PDE4D: variants seen among roughly 807,000 people sequenced by gnomAD.
The protein encoded by PDE4D is 3',5'-cyclic-AMP phosphodiesterase 4D.
PDE4D carries 24 observed loss-of-function variants against 87.4 expected under a neutral mutation model. That is an observed-to-expected ratio of 0.27 (90% CI 0.20 to 0.39). The LOEUF (loss-of-function observed/expected upper bound fraction) is 0.39, where lower values mean the gene tolerates loss of function less well. Ranked by LOEUF, PDE4D falls within the 10% of genes least tolerant of loss-of-function variation. The pLI is 1.00. For missense variants in PDE4D, 714 were observed against 1,041.0 expected (o/e 0.69, Z 4.32); for synonymous variants, 384 against 383.2 (o/e 1.00, Z -0.02).
At chr5:59,496,278 C>T (rs945004166) in intron 1 of PDE4D, among the ~76,000 whole-genome samples, 1 of 152,096 alleles carries the variant, frequency 6.6e-6, no homozygotes, top group African/African-American at 2.4e-5. Context: ...TCTCCACTTT[C>T]AGCTGCTTGT....
rs1238621496 is a variant in PDE4D, at chr5:60,315,724, T to C, written c.-89-130037A>G. ...ACATATGGCTAGCCAGTTTTCCCAGTGCCATTTATTAAATAGGGAATCCTT... is the reference window on the plus strand; with the variant it reads ...ACATATGGCTAGCCAGTTTTCCCAGCGCCATTTATTAAATAGGGAATCCTT... On this transcript the variant is annotated intron_variant, in intron 1 of 16. Transcript: ENST00000502484. 3.3e-5 allele frequency among the ~76,000 whole-genome samples: 5 copies of C among 152,108 alleles called. No homozygotes were observed. In the East Asian group the frequency reaches 7.7e-4, roughly 23 times the overall value.
rs184648028 is a variant in PDE4D, at chr5:58,971,946, C to T, written c.*2718G>A. ...TCTCTTGGATATTGAGCCTTTTCTG[C>T]AATTTGATTGTCCATTAGTGGGTAT... On this transcript the variant is annotated 3_prime_UTR_variant, in exon 15 of 15. Transcript: ENST00000340635. 1 of 152,464 alleles carries T rather than the reference C, an allele frequency of 6.6e-6. No homozygotes were observed. The highest frequency in any genetic ancestry group is 1.9e-4 in the East Asian group (1 of 5,160). 9.4% of individuals were successfully genotyped at this position (152,464 alleles called of 1,614,324 possible). A position where few individuals can be genotyped will look rare whatever the true frequency, so the allele number is the denominator to read the frequency against.
chr5:59,051,904 C>T (rs186960484), intron 5 of PDE4D, among the ~76,000 whole-genome samples: 11 of 152,176 alleles, frequency 7.2e-5, no homozygotes, highest in African/African-American at 2.2e-4. Flanking sequence ...TGTATGCTAT[C>T]GAGAAATGGT....
chr5:59,504,374 AC>A (rs1808856379), intron 1 of PDE4D, among the ~76,000 whole-genome samples: 2 of 152,320 alleles, frequency 1.3e-5, no homozygotes, highest in Non-Finnish European at 2.9e-5. Flanking sequence ...CACAATTCTT[AC>A]AATTTGCATA....
chr5:59,704,739 A>T (rs550588449), intron 1 of PDE4D, among the ~76,000 whole-genome samples: 77 of 152,320 alleles, frequency 5.1e-4, no homozygotes, highest in African/African-American at 1.8e-3. Flanking sequence ...GTGTCCATGA[A>T]CAAGGCATTC....
intron 5 of PDE4D, among the ~76,000 whole-genome samples, chr5:59,099,962 T>C (rs1436749949): frequency 6.6e-6 from 1 of 152,238 alleles, no homozygotes; most frequent in Non-Finnish European, 1.5e-5. Context: ...ACTTCTTTTA[T>C]GTTCCAAGCT....
chr5:59,518,193 T>TTG (rs34669732), intron 1 of PDE4D, among the ~76,000 whole-genome samples: 7,606 of 149,456 alleles, frequency 0.051, 192 homozygotes, highest in South Asian at 0.064. Context: ...ACTTGTGTGT[T>TTG]TGTGTGTGTG....
intron 1 of PDE4D, among the ~76,000 whole-genome samples, chr5:60,241,704 T>TA (rs2149659786): frequency 6.6e-6 from 1 of 152,210 alleles, no homozygotes; most frequent in Non-Finnish European, 1.5e-5. Flanking sequence ...GGGCAGATCT[T>TA]AGAGTTATTG....
In PDE4D at chr5:60,164,360, T is replaced by C. The variant is rs138653604; in HGVS notation, c.42+21197A>G. ...TAAACCTGGATTAAAAATAGAAATTTTCCAGAAGTCTAAGTGGAATACTCC... is the reference window on the plus strand; with the variant it reads ...TAAACCTGGATTAAAAATAGAAATTCTCCAGAAGTCTAAGTGGAATACTCC... On this transcript the variant is annotated intron_variant, in intron 2 of 16. Coordinates refer to the PDE4D transcript ENST00000502484. 4.7e-4 allele frequency among the ~76,000 whole-genome samples: 71 copies of C among 152,242 alleles called. 1 individual carries two copies. In the East Asian group the frequency reaches 0.013, roughly 27 times the overall value.
At chr5:60,495,887 T>C (rs1273522735) in intron 1 of PDE4D, among the ~76,000 whole-genome samples, 3 of 152,198 alleles carry the variant, frequency 2.0e-5, no homozygotes, top group Non-Finnish European at 4.4e-5. Flanking sequence ...GTAAAAACAC[T>C]CAAAATATTG....
chr5:59,520,870 CACACATAT>C (rs1256053145), intron 1 of PDE4D, among the ~76,000 whole-genome samples: 1 of 148,324 alleles, frequency 6.7e-6, no homozygotes, highest in African/African-American at 2.6e-5. Context: ...CACATACACA[CACACATAT>C]ACATATATAC....
At chr5:59,599,475 A>G (rs1231271854) in intron 1 of PDE4D, among the ~76,000 whole-genome samples, 2 of 151,980 alleles carry the variant, frequency 1.3e-5, no homozygotes, top group Admixed American at 6.6e-5. Flanking sequence ...TCCTGACCTC[A>G]GGTGATCCGC....
chr5:59,280,938 C>G (rs904967649), intron 1 of PDE4D, among the ~76,000 whole-genome samples: 1 of 152,000 alleles, frequency 6.6e-6, no homozygotes, highest in African/African-American at 2.4e-5. Context: ...AGGAGAAGGA[C>G]GCTGAAGGTC....
chr5:59,498,344 T>G (rs1473703082), intron 1 of PDE4D, among the ~76,000 whole-genome samples: 91 of 150,806 alleles, frequency 6.0e-4, no homozygotes, highest in Non-Finnish European at 7.1e-4. Flanking sequence ...TTTTGCATAG[T>G]CAAAATTAAT....
intron 1 of PDE4D, among the ~76,000 whole-genome samples, chr5:60,291,800 T>A (rs1752922813): frequency 6.6e-6 from 1 of 152,190 alleles, no homozygotes; most frequent in African/African-American, 2.4e-5. Flanking sequence ...GCCTTTGACC[T>A]GGTAGTTTCA....
intron 1 of PDE4D, among the ~76,000 whole-genome samples, chr5:59,619,995 T>C (rs946862352): frequency 6.6e-6 from 1 of 152,134 alleles, no homozygotes; most frequent in African/African-American, 2.4e-5. Context: ...ACTTAGTCCA[T>C]GGCTAAAGCT....
At chr5:59,276,348 C>T (rs1336777999) in intron 1 of PDE4D, among the ~76,000 whole-genome samples, 3 of 152,018 alleles carry the variant, frequency 2.0e-5, no homozygotes, top group Non-Finnish European at 2.9e-5. Flanking sequence ...AGGAACACAC[C>T]CCTTGCCATT....
chr5:60,499,506 C>G (rs1162408795), intron 1 of PDE4D, among the ~76,000 whole-genome samples: 2 of 152,132 alleles, frequency 1.3e-5, no homozygotes, highest in African/African-American at 2.4e-5. Context: ...CTCCCCTCAG[C>G]TTTCTCCTTG....
intron 1 of PDE4D, among the ~76,000 whole-genome samples, chr5:60,202,257 G>A (rs1380653356): frequency 6.6e-6 from 1 of 152,006 alleles, no homozygotes; most frequent in Non-Finnish European, 1.5e-5. Flanking sequence ...CTGTTGCCTG[G>A]GCTCAAGTGA....
Sources: allele counts gnomAD v4.1 joint callset (sites outside exome capture counted in the v4.1 genomes callset), GRCh38; gene constraint gnomAD v4.1.1; transcripts MANE v1.5; gene names NCBI Gene and HGNC (gene_info 2026-07-23, HGNC 2026-07-21).